EML5: variants seen among roughly 807,000 people sequenced by gnomAD.
EML5 encodes the protein EMAP like 5.
Under a neutral mutation model 250.0 loss-of-function variants are expected in EML5, and 120 were observed. The ratio of observed to expected loss-of-function variants is 0.48; its 90% confidence interval spans 0.41 to 0.56. The LOEUF (loss-of-function observed/expected upper bound fraction) is 0.56. Ranked by LOEUF, EML5 falls within the 20% of genes least tolerant of loss-of-function variation. The pLI is 0.00. For missense variants in EML5, 2,006 were observed against 2,437.6 expected (o/e 0.82, Z 3.73); for synonymous variants, 771 against 806.5 (o/e 0.96, Z 0.75).
intron 1 of EML5, among the ~76,000 whole-genome samples, chr14:88,769,592 G>A (rs2094365832): frequency 6.6e-6 from 1 of 152,162 alleles, no homozygotes; most frequent in Non-Finnish European, 1.5e-5. Context: ...GTAAAATACT[G>A]AGGTAACAAA....
intron 1 of EML5, among the ~76,000 whole-genome samples, chr14:88,778,330 C>A (rs2094465994): frequency 6.6e-6 from 1 of 152,182 alleles, no homozygotes; most frequent in Non-Finnish European, 1.5e-5. Context: ...TGGATTCCTG[C>A]AAGTTTGGGG....
At chr14:88,729,877 T>C (rs576532016) in intron 7 of EML5, among the ~76,000 whole-genome samples, 3 of 151,642 alleles carry the variant, frequency 2.0e-5, no homozygotes, top group Admixed American at 6.6e-5. Context: ...TTTGTTTTTT[T>C]TTTTTGTTTT....
At position 88,664,574 on chromosome 14, in the gene EML5, A is replaced by G. The variant is rs1429506818; in HGVS notation, c.3328T>C (p.Tyr1110His). The G allele has an allele frequency of 5.6e-6, 9 of 1,610,806 alleles. No homozygotes were observed. Among genetic ancestry groups the G allele is most frequent in the Non-Finnish European group, 7.6e-6 (9 of 1,178,768 alleles). The change falls in exon 23 of 44, where the codon TAC (tyrosine) becomes CAC (histidine). Residue 1110 changes from tyrosine to histidine, a missense_variant. Around this residue, in one of 7 missense-constraint regions of EML5, gnomAD observed 1,375 missense variants for 1,590.3 expected, o/e 0.86. Transcript: ENST00000554922. ...VASHDSFIDI[Y>H]NVMSSKRVGI... ...ACTCGTTTACTACTCATTACATTGT[A>G]TATATCTATAAAGCTGTCATGGGAT...
At chr14:88,623,010 C>A in intron 36 of EML5, 3 of 202,276 alleles carry the variant, frequency 1.5e-5, no homozygotes, top group East Asian at 1.1e-4. Flanking sequence ...TATCCTCTCT[C>A]ATAATACTTT....
intron 1 of EML5, among the ~76,000 whole-genome samples, chr14:88,785,832 G>C (rs1198423216): frequency 6.6e-6 from 1 of 152,126 alleles, no homozygotes; most frequent in Non-Finnish European, 1.5e-5. Context: ...CCTCTCTTCA[G>C]TCTGTTCTCA....
chr14:88,736,215 G>A, intron 7 of EML5, 149 bp downstream of exon 7: 1 of 786,000 alleles, frequency 1.3e-6, no homozygotes, highest in Non-Finnish European at 2.1e-6. Context: ...TGGCCAGGAT[G>A]GTCTCAATCC....
chr14:88,655,382 T>G (rs574432590), intron 27 of EML5, among the ~76,000 whole-genome samples: 1 of 152,252 alleles, frequency 6.6e-6, no homozygotes, highest in South Asian at 2.1e-4. Context: ...TGAGAAAGGA[T>G]TCCCTCTTTA....
At chr14:88,688,217 C>T (rs918576854) in intron 18 of EML5, 54 bp downstream of exon 18, 48 of 1,580,658 alleles carry the variant, frequency 3.0e-5, no homozygotes, top group Middle Eastern at 3.3e-4. Context: ...TCTTAAAATG[C>T]TCTACACTCC....
At chr14:88,633,098 G>A (rs1399480982) in intron 33 of EML5, among the ~76,000 whole-genome samples, 1 of 152,054 alleles carries the variant, frequency 6.6e-6, no homozygotes, top group Non-Finnish European at 1.5e-5. Flanking sequence ...GGAAGTCTTG[G>A]GACCCCTGAA....
At position 88,702,538 on chromosome 14, in the gene EML5, G is replaced by C; in HGVS notation, c.2146C>G (p.Gln716Glu). The C allele has an allele frequency of 6.2e-7, 1 of 1,613,306 alleles. No homozygotes were observed. The highest frequency in any genetic ancestry group is 8.5e-7 in the Non-Finnish European group (1 of 1,179,578). Residue 716 changes from glutamine to glutamate, a missense_variant, in exon 14 of 44, where the codon CAG becomes GAG. By Grantham distance (29) the Gln-to-Glu change is conservative (BLOSUM62 2). Around this residue, in one of 7 missense-constraint regions of EML5, gnomAD observed 1,375 missense variants for 1,590.3 expected, o/e 0.86. Transcript: ENST00000554922. ...VAAVGVIYNR[Q>E]QNTQRFYLGH... is the part of the protein sequence containing the mutation. ...AGATAAAAACGCTGTGTGTTTTGCT[G>C]TCGATTATAAATGACACCCACTGCT...
intron 1 of EML5, among the ~76,000 whole-genome samples, chr14:88,766,750 G>A (rs578055483): frequency 1.3e-5 from 2 of 152,218 alleles, no homozygotes; most frequent in East Asian, 3.9e-4. Context: ...AAACTTACCA[G>A]TTTTGCAGCT....
chr14:88,624,992 C>T lies in EML5; in HGVS notation c.4876G>A (p.Val1626Met), dbSNP rs748726565. 4 of 1,613,630 alleles carry T rather than the reference C, an allele frequency of 2.5e-6. No individual in the cohort carries two copies. Among genetic ancestry groups the T allele is most frequent in the East Asian group, 2.2e-5 (1 of 44,872 alleles). Reference protein sequence around the residue: ...MYTTLRDGLIVTGGKERPSKE... With the variant: ...MYTTLRDGLIMTGGKERPSKE... ...CACGGCCTTTCCTTTCCCCCAGTCA[C>T]GATAAGTCCATCTCGCAGGGTGGTG... The change falls in exon 36 of 44, where the codon GTG (valine) becomes ATG (methionine). Residue 1626 changes from valine to methionine, a missense_variant. Physicochemically the swap from Val to Met is conservative, Grantham distance 21. This residue lies in a region of EML5 where 405 missense variants were observed against 523.3 expected (regional missense o/e 0.77). Transcript: ENST00000554922.
intron 21 of EML5, among the ~76,000 whole-genome samples, chr14:88,670,808 G>A (rs764120573): frequency 7.9e-5 from 12 of 151,798 alleles, no homozygotes; most frequent in Non-Finnish European, 1.8e-4. Flanking sequence ...CAAGCACAGG[G>A]AAGAATTTCA....
At chr14:88,723,036 A>T (rs991709042) in intron 8 of EML5, among the ~76,000 whole-genome samples, 1 of 152,192 alleles carries the variant, frequency 6.6e-6, no homozygotes, top group African/African-American at 2.4e-5. Context: ...TACATTACTC[A>T]TGTCACCCCT....
chr14:88,725,517 G>C (rs1051518587), intron 8 of EML5, among the ~76,000 whole-genome samples: 17 of 152,070 alleles, frequency 1.1e-4, no homozygotes, highest in African/African-American at 3.9e-4. Context: ...ATACAGGAAA[G>C]GAGTTTCCTA....
intron 1 of EML5, among the ~76,000 whole-genome samples, chr14:88,756,948 T>C (rs1486826216): frequency 1.3e-5 from 2 of 152,210 alleles, no homozygotes; most frequent in Non-Finnish European, 2.9e-5. Context: ...AAAATACTAG[T>C]TGTCTTTCTT....
intron 25 of EML5, among the ~76,000 whole-genome samples, chr14:88,660,346 T>C (rs1381565846): frequency 6.6e-6 from 1 of 151,372 alleles, no homozygotes; most frequent in Non-Finnish European, 1.5e-5. Flanking sequence ...TTTATTTCCG[T>C]GTTAAGGAAA....
At chr14:88,706,517 C>A in intron 10 of EML5, 91 bp from the exon 11 acceptor site, 1 of 947,832 alleles carries the variant, frequency 1.1e-6, no homozygotes. Flanking sequence ...CTGTATCATC[C>A]TTCTATCTGA....
At chr14:88,649,979 T>C in intron 27 of EML5, 53 bp from the exon 28 acceptor site, 1 of 1,336,818 alleles carries the variant, frequency 7.5e-7, no homozygotes, top group Non-Finnish European at 1.0e-6. Flanking sequence ...AAATTGATGA[T>C]GAATAGAATA....
Sources: allele counts gnomAD v4.1 joint callset (sites outside exome capture counted in the v4.1 genomes callset), GRCh38; gene constraint gnomAD v4.1.1; regional missense constraint gnomAD v4.1.1; transcripts MANE v1.5; gene names NCBI Gene and HGNC (gene_info 2026-07-23, HGNC 2026-07-21).